Variants in CNTN4 observed in about 807,000 individuals in gnomAD.
CNTN4 encodes the protein contactin-4.
In CNTN4, 77 loss-of-function variants were observed where a neutral mutation model predicts 122.5. The ratio of observed to expected loss-of-function variants is 0.63; its 90% CI spans 0.52 to 0.76. The LOEUF (loss-of-function observed/expected upper bound fraction) is 0.76. Ranked by LOEUF, CNTN4 falls within the 30% of genes least tolerant of loss-of-function variation. CNTN4 has a pLI of 0.00. For synonymous variants in CNTN4, 512 were observed against 447.0 expected (o/e 1.15, Z -1.83); for missense variants, 1,256 against 1,259.1 (o/e 1.00, Z 0.04).
At chr3:2,442,405 G>T (rs1197130484) in intron 3 of CNTN4, among the ~76,000 whole-genome samples, 1 of 152,128 alleles carries the variant, frequency 6.6e-6, no homozygotes, top group Non-Finnish European at 1.5e-5. Flanking sequence ...GTGAAATGAA[G>T]AAAGTCCAGA....
intron 7 of CNTN4, among the ~76,000 whole-genome samples, chr3:2,829,928 A>C (rs562552814): frequency 6.6e-6 from 1 of 152,320 alleles, no homozygotes; most frequent in East Asian, 1.9e-4. Context: ...GAGATGCTTA[A>C]GCTGTTTTTA....
intron 6 of CNTN4, among the ~76,000 whole-genome samples, chr3:2,813,270 A>C (rs1344793979): frequency 6.6e-6 from 1 of 152,184 alleles, no homozygotes; most frequent in Non-Finnish European, 1.5e-5. Context: ...CATTTTTCCA[A>C]GTTGATGTTC....
At chr3:2,561,198 T>TA (rs2078937774) in intron 3 of CNTN4, among the ~76,000 whole-genome samples, 1 of 152,166 alleles carries the variant, frequency 6.6e-6, no homozygotes, top group Non-Finnish European at 1.5e-5. Context: ...TTTAGGTGAT[T>TA]AAAAAATGCC....
At chr3:2,265,409 A>G (rs1380484815) in intron 2 of CNTN4, among the ~76,000 whole-genome samples, 3 of 151,892 alleles carry the variant, frequency 2.0e-5, no homozygotes, top group Admixed American at 2.0e-4. Context: ...GTTTTGTTCC[A>G]TTGGTCCATT....
chr3:3,005,070 T>C (rs6799919), intron 14 of CNTN4, among the ~76,000 whole-genome samples: 49,534 of 152,078 alleles, frequency 0.33, 10,872 homozygotes, highest in African/African-American at 0.62. Context: ...TATAGTCTTC[T>C]ATAAAATCGA....
chr3:2,561,394 C>G (rs1015879714), intron 3 of CNTN4, among the ~76,000 whole-genome samples: 1 of 152,096 alleles, frequency 6.6e-6, no homozygotes, highest in Non-Finnish European at 1.5e-5. Flanking sequence ...TTCCCAGTAC[C>G]CAGAAAGCAT....
At chr3:2,725,604 C>G (rs1011233731) in intron 4 of CNTN4, among the ~76,000 whole-genome samples, 6 of 152,020 alleles carry the variant, frequency 3.9e-5, no homozygotes, top group African/African-American at 1.4e-4. Flanking sequence ...GGGGAAGGGC[C>G]TGGACAACAC....
chr3:2,446,024 T>A (rs2151317771), intron 3 of CNTN4, among the ~76,000 whole-genome samples: 1 of 152,330 alleles, frequency 6.6e-6, no homozygotes, highest in East Asian at 1.9e-4. Context: ...TTCAGCTAGC[T>A]GTTCAATGAC....
At chr3:2,159,661 C>T (rs1057389837) in intron 2 of CNTN4, among the ~76,000 whole-genome samples, 10 of 152,022 alleles carry the variant, frequency 6.6e-5, no homozygotes, top group African/African-American at 2.2e-4. Flanking sequence ...AGCATCTTAC[C>T]GTGTGAGGTG....
intron 4 of CNTN4, among the ~76,000 whole-genome samples, chr3:2,590,808 C>A (rs1227105252): frequency 6.6e-6 from 1 of 151,920 alleles, no homozygotes; most frequent in African/African-American, 2.4e-5. Flanking sequence ...AAATACCTCT[C>A]CAGCAGAAAA....
chr3:2,193,224 G>A (rs1480049598), intron 2 of CNTN4, among the ~76,000 whole-genome samples: 2 of 151,866 alleles, frequency 1.3e-5, no homozygotes, highest in African/African-American at 4.8e-5. Context: ...ATTCTTTTTG[G>A]AAAATTCCCT....
intron 3 of CNTN4, among the ~76,000 whole-genome samples, chr3:2,433,982 G>A (rs1308140418): frequency 1.3e-5 from 2 of 152,088 alleles, no homozygotes; most frequent in Non-Finnish European, 2.9e-5. Context: ...AGAGAGTGAT[G>A]GTTACCAGAG....
intron 3 of CNTN4, among the ~76,000 whole-genome samples, chr3:2,517,011 C>T (rs1158079743): frequency 1.3e-5 from 2 of 152,086 alleles, no homozygotes; most frequent in African/African-American, 4.8e-5. Flanking sequence ...TGGTTTCATT[C>T]TGCAAAGGAA....
intron 2 of CNTN4, among the ~76,000 whole-genome samples, chr3:2,185,917 GT>G (rs1379267643): frequency 6.6e-6 from 1 of 151,192 alleles, no homozygotes; most frequent in Non-Finnish European, 1.5e-5. Context: ...TTTTTTAACT[GT>G]TTTTTTCTTT....
At chr3:2,329,723 C>T (rs1165969918) in intron 2 of CNTN4, among the ~76,000 whole-genome samples, 1 of 126,392 alleles carries the variant, frequency 7.9e-6, no homozygotes, top group East Asian at 2.9e-4. Context: ...ATACACTCTG[C>T]CTTATTGAGG....
intron 2 of CNTN4, among the ~76,000 whole-genome samples, chr3:2,258,955 A>G (rs2040711890): frequency 1.3e-5 from 2 of 152,042 alleles, no homozygotes; most frequent in South Asian, 2.1e-4. Context: ...ATTCTTTTTC[A>G]TTTATTATTT....
At chr3:2,667,727 T>C (rs6797124) in intron 4 of CNTN4, among the ~76,000 whole-genome samples, 12,371 of 80,982 alleles carry the variant, frequency 0.15, 1,615 homozygotes, top group African/African-American at 0.22. Context: ...GGTTTTAGGT[T>C]TAACGTTTAA....
intron 7 of CNTN4, among the ~76,000 whole-genome samples, chr3:2,837,787 G>A (rs2093260647): frequency 6.6e-6 from 1 of 152,174 alleles, no homozygotes; most frequent in Non-Finnish European, 1.5e-5. Flanking sequence ...GGAAGATGGA[G>A]AGTCAGTGGT....
chr3:2,868,359 A>T (rs931125294), intron 8 of CNTN4, among the ~76,000 whole-genome samples: 2 of 152,272 alleles, frequency 1.3e-5, no homozygotes, highest in East Asian at 3.9e-4. Flanking sequence ...TGATATCTTA[A>T]ACCCTCACAG....
Sources: gnomAD v4.1 joint callset for allele counts (sites outside exome capture counted in the v4.1 genomes callset) on GRCh38, gnomAD v4.1.1 for gene constraint, MANE v1.5 for transcripts, NCBI Gene and HGNC (gene_info 2026-07-23, HGNC 2026-07-21) for gene names.